The following PKNOX2 variants were observed in gnomAD, a reference collection of about 807,000 sequenced individuals.
PKNOX2 encodes the protein PBX/knotted 1 homeobox 2.
Under a neutral mutation model 53.1 loss-of-function variants are expected in PKNOX2, and 14 were observed. That is an observed-to-expected ratio of 0.26 (90% confidence interval 0.17 to 0.41). PKNOX2 has a LOEUF of 0.41. Ranked by LOEUF, PKNOX2 falls within the 10% of genes least tolerant of loss-of-function variation. The probability of loss-of-function intolerance (pLI) is 1.00; values close to 1 mark genes in which losing one functional copy is unlikely to be tolerated. For missense variants in PKNOX2, 496 were observed against 602.8 expected (o/e 0.82, Z 1.85); for synonymous variants, 257 against 242.8 (o/e 1.06, Z -0.54).
chr11:125,413,918 T>C (rs1955716850), intron 10 of PKNOX2, among the ~76,000 whole-genome samples: 1 of 152,178 alleles, frequency 6.6e-6, no homozygotes, highest in African/African-American at 2.4e-5. Context: ...ACCTGCTCAC[T>C]GACTCTCCTC....
At chr11:125,203,790 A>T (rs1938732853) in intron 1 of PKNOX2, among the ~76,000 whole-genome samples, 1 of 152,170 alleles carries the variant, frequency 6.6e-6, no homozygotes, top group Admixed American at 6.5e-5. Flanking sequence ...AACTCACTGC[A>T]TGGCACCTGG....
Position 125,367,991 on chromosome 11 carries a change from AGACAC to A in PKNOX2, c.227+7_227+11del, listed in dbSNP as rs367564216. ...GACAAGCGAGCTGTATACAGGTAGG[AGACAC>A]TTCAGCTGTGTCTACAGCCCTCAAC... is the stretch of plus-strand genomic sequence containing the variant. On this transcript the variant is annotated splice_region_variant and intron_variant, in intron 5 of 12. Coordinates refer to ENST00000298282, the MANE Select transcript of PKNOX2 (RefSeq NM_001382323.2). 7.0e-5 allele frequency: 112 copies of A among 1,611,440 alleles called. 2 individuals carry two copies. In the African/African-American group the frequency reaches 1.0e-3, roughly 14 times the overall value.
intron 2 of PKNOX2, among the ~76,000 whole-genome samples, chr11:125,262,957 T>G (rs1000942200): frequency 6.6e-6 from 1 of 152,140 alleles, no homozygotes; most frequent in Non-Finnish European, 1.5e-5. Context: ...CTCCCCGAGG[T>G]TGTGCCGGGA....
chr11:125,269,712 TG>T (rs902708597), intron 2 of PKNOX2, among the ~76,000 whole-genome samples: 5 of 152,194 alleles, frequency 3.3e-5, no homozygotes, highest in Non-Finnish European at 7.4e-5. Flanking sequence ...TTCAATAGAA[TG>T]GGGCAAGGGT....
chr11:125,289,203 C>T lies in PKNOX2; in HGVS notation c.-129-42616C>T, dbSNP rs548372990. Among the ~76,000 whole-genome samples the T allele has an allele frequency of 2.6e-5, 4 of 152,270 alleles. No homozygotes were observed. The East Asian group carries it at 7.7e-4, about 29-fold the overall frequency. ...CTGACCAGGGGAAATCTCTTAGCTC[C>T]CAGGTGGGAGACTCCACAGTGGAAT... is the stretch of plus-strand genomic sequence containing the variant. On this transcript the variant is annotated intron_variant, in intron 2 of 12. Coordinates refer to ENST00000298282, the MANE Select transcript of PKNOX2 (RefSeq NM_001382323.2).
chr11:125,180,865 A>C (rs183091233), intron 1 of PKNOX2, among the ~76,000 whole-genome samples: 21 of 152,356 alleles, frequency 1.4e-4, no homozygotes, highest in African/African-American at 5.1e-4. Context: ...CCCACGAGGT[A>C]AAATGAATGT....
At chr11:125,198,577 G>T (rs1427709656) in intron 1 of PKNOX2, among the ~76,000 whole-genome samples, 2 of 152,116 alleles carry the variant, frequency 1.3e-5, no homozygotes, top group African/African-American at 2.4e-5. Flanking sequence ...CTTTTCACAG[G>T]GTAGTAAAAT....
intron 10 of PKNOX2, among the ~76,000 whole-genome samples, chr11:125,427,433 C>T (rs576598583): frequency 6.6e-6 from 1 of 152,298 alleles, no homozygotes; most frequent in East Asian, 1.9e-4. Context: ...GAGGCTGCTC[C>T]TCCTTTTCCA....
At chr11:125,320,959 C>A (rs1454944430) in intron 2 of PKNOX2, among the ~76,000 whole-genome samples, 1 of 152,164 alleles carries the variant, frequency 6.6e-6, no homozygotes, top group Non-Finnish European at 1.5e-5. Flanking sequence ...CAAAATTACT[C>A]CAGTTTGGAT....
At chr11:125,168,667 G>A (rs993320367) in intron 1 of PKNOX2, among the ~76,000 whole-genome samples, 8 of 152,166 alleles carry the variant, frequency 5.3e-5, no homozygotes, top group Admixed American at 1.3e-4. Flanking sequence ...AAAGCAAAAC[G>A]GCTGGATTTT....
At chr11:125,241,652 C>A in intron 2 of PKNOX2, among the ~76,000 whole-genome samples, 1 of 152,146 alleles carries the variant, frequency 6.6e-6, no homozygotes, top group East Asian at 1.9e-4. Context: ...GTCAGGAGTT[C>A]GAGACCAGAC....
At chr11:125,185,230 TAC>T (rs1956380041) in intron 1 of PKNOX2, among the ~76,000 whole-genome samples, 1 of 152,246 alleles carries the variant, frequency 6.6e-6, no homozygotes, top group East Asian at 1.9e-4. Flanking sequence ...TGTGTACATT[TAC>T]AGTTACTGAG....
intron 4 of PKNOX2, 32 bp downstream of exon 4, chr11:125,351,424 CG>C: frequency 7.2e-7 from 1 of 1,382,802 alleles, no homozygotes; most frequent in Admixed American, 1.8e-5. Flanking sequence ...CCTCCCACCA[CG>C]GGGGAGGGAG....
chr11:125,197,503 T>C (rs1565466911), intron 1 of PKNOX2, among the ~76,000 whole-genome samples: 1 of 152,168 alleles, frequency 6.6e-6, no homozygotes, highest in South Asian at 2.1e-4. Flanking sequence ...GCCCAAGAGC[T>C]GCCTAAGAGA....
chr11:125,367,693 C>T (rs781675015), intron 4 of PKNOX2, among the ~76,000 whole-genome samples, 153 bp from the exon 5 acceptor site: 8 of 152,210 alleles, frequency 5.3e-5, no homozygotes, highest in Non-Finnish European at 8.8e-5. Context: ...CTGTAGCACA[C>T]GTACGAATGG....
intron 1 of PKNOX2, among the ~76,000 whole-genome samples, chr11:125,232,355 C>T (rs960855465): frequency 5.9e-5 from 9 of 152,342 alleles, no homozygotes; most frequent in East Asian, 1.9e-4. Flanking sequence ...TAACATTCAG[C>T]GAGTGCTTAT....
chr11:125,264,368 G>A (rs1040012577), intron 2 of PKNOX2, among the ~76,000 whole-genome samples: 2 of 152,172 alleles, frequency 1.3e-5, no homozygotes, highest in Non-Finnish European at 2.9e-5. Flanking sequence ...CTCAGGCTAT[G>A]GTGGGCCTGG....
chr11:125,222,877 C>G (rs910090426), intron 1 of PKNOX2, among the ~76,000 whole-genome samples: 4 of 151,952 alleles, frequency 2.6e-5, no homozygotes, highest in Admixed American at 6.6e-5. Context: ...GTTGGGGTGA[C>G]CCAGCAACTG....
chr11:125,420,964 A>G (rs2135627779), intron 10 of PKNOX2, among the ~76,000 whole-genome samples: 1 of 152,270 alleles, frequency 6.6e-6, no homozygotes, highest in Non-Finnish European at 1.5e-5. Flanking sequence ...ACCCCTCCCG[A>G]CTTGAACACA....
Sources: gnomAD v4.1 joint callset for allele counts (sites outside exome capture counted in the v4.1 genomes callset) on GRCh38, gnomAD v4.1.1 for gene constraint, MANE v1.5 for transcripts, NCBI Gene and HGNC (gene_info 2026-07-23, HGNC 2026-07-21) for gene names.